The following ADAMTS14 variants were observed in gnomAD, a reference collection of about 807,000 sequenced individuals.
The protein encoded by ADAMTS14 is ADAM metallopeptidase with thrombospondin type 1 motif 14.
In ADAMTS14, 100 loss-of-function variants were observed where a neutral mutation model predicts 128.6. The ratio of observed to expected loss-of-function variants is 0.78; its 90% CI spans 0.66 to 0.92. The LOEUF (loss-of-function observed/expected upper bound fraction) is 0.92, where lower values mean the gene tolerates loss of function less well. ADAMTS14 is among the 40% of genes least tolerant of loss of function. The pLI is 0.00. For missense variants in ADAMTS14, 1,562 were observed against 1,658.6 expected (o/e 0.94, Z 1.01); for synonymous variants, 665 against 653.8 (o/e 1.02, Z -0.26).
chr10:70,733,048 C>T (rs1033995033), intron 7 of ADAMTS14, among the ~76,000 whole-genome samples: 4 of 152,186 alleles, frequency 2.6e-5, no homozygotes, highest in African/African-American at 9.7e-5. Flanking sequence ...TGCCATGTCA[C>T]AGGGGCAGAA....
intron 19 of ADAMTS14, among the ~76,000 whole-genome samples, chr10:70,754,268 C>G (rs1295618539): frequency 6.6e-6 from 1 of 152,212 alleles, no homozygotes; most frequent in East Asian, 1.9e-4. Context: ...GATGAGCAGA[C>G]TGAAGTACAC....
chr10:70,755,618 G>A (rs1411329238), intron 19 of ADAMTS14, among the ~76,000 whole-genome samples: 1 of 152,234 alleles, frequency 6.6e-6, no homozygotes. Context: ...GCCAAGGCAG[G>A]CAGATTGCCT....
intron 2 of ADAMTS14, among the ~76,000 whole-genome samples, chr10:70,679,245 C>T (rs1839732000): frequency 2.0e-5 from 3 of 152,200 alleles, no homozygotes; most frequent in Admixed American, 2.0e-4. Flanking sequence ...GAAAGAATGA[C>T]TGACCCAGCC....
intron 3 of ADAMTS14, among the ~76,000 whole-genome samples, chr10:70,707,232 C>T (rs1423697187): frequency 1.3e-5 from 2 of 152,240 alleles, no homozygotes; most frequent in African/African-American, 4.8e-5. Context: ...CACCTACCCA[C>T]CGTCCATCCA....
chr10:70,752,524 A>T lies in ADAMTS14; in HGVS notation c.2729+297A>T, dbSNP rs564556330. Reference sequence around the variant, plus strand: ...GCTACATGCTCTTCTGAGCACAAGGATGACCTTGGGATTATTTAGGGGAGA... The same window carrying T: ...GCTACATGCTCTTCTGAGCACAAGGTTGACCTTGGGATTATTTAGGGGAGA... On this transcript the variant is annotated intron_variant, in intron 18 of 21. Transcript: ENST00000373207. Among the ~76,000 whole-genome samples the T allele has an allele frequency of 3.8e-4, 58 of 152,228 alleles. No individual in the cohort carries two copies. In the South Asian group the frequency reaches 4.8e-3, roughly 13 times the overall value.
intron 9 of ADAMTS14, 92 bp downstream of exon 9, chr10:70,735,393 C>G: frequency 6.7e-7 from 1 of 1,500,460 alleles, no homozygotes; most frequent in Admixed American, 2.0e-5. Context: ...TGCCTTCTGC[C>G]CAGCTGGCCA....
rs191071655 is a variant in ADAMTS14 at position 70,733,809 on chromosome 10, T to C, written c.1209-76T>C. ...GGGTCAGGTCAGGGTCTCCTGCTGC[T>C]GGCCTGCCTGCCTGCCTGCCTTCCC... On this transcript the variant is annotated intron_variant, in intron 7 of 21. Transcript: ENST00000373207. The C allele has an allele frequency of 6.3e-4, 972 of 1,543,912 alleles. 5 individuals carry two copies. In the African/African-American group the frequency reaches 0.011, roughly 17 times the overall value.
At position 70,760,496 on chromosome 10, in the gene ADAMTS14, C is replaced by T; in HGVS notation, c.3315C>T (p.Asp1105=). ...CCTCGGGCCCCAACCCTGGCCCAGACCCTGGCCCAACCTCACTGCCCCCCT... is the reference window on the plus strand; with the variant it reads ...CCTCGGGCCCCAACCCTGGCCCAGATCCTGGCCCAACCTCACTGCCCCCCT... ...KKASGPNPGP[D]PGPTSLPPFS... The change falls in exon 22 of 22, where the codon GAC becomes GAT. Residue 1105 remains aspartate (D), a synonymous_variant. Transcript: ENST00000373207. 2.5e-6 allele frequency: 4 copies of T among 1,613,998 alleles called. No homozygotes were observed. Among genetic ancestry groups the T allele is most frequent in the South Asian group, 1.1e-5 (1 of 91,070 alleles).
chr10:70,745,080 A>C, intron 14 of ADAMTS14, 146 bp from the exon 15 acceptor site: 1 of 722,666 alleles, frequency 1.4e-6, no homozygotes, highest in Non-Finnish European at 2.3e-6. Flanking sequence ...TCTCATCCTC[A>C]GTTTACAAAT....
At chr10:70,675,120 G>A (rs1328374416) in intron 2 of ADAMTS14, 125 bp downstream of exon 2, 8 of 1,209,586 alleles carry the variant, frequency 6.6e-6, no homozygotes, top group Non-Finnish European at 9.2e-6. Flanking sequence ...GCCTTCCAGA[G>A]GGAGTGCCGC....
Position 70,674,914 on chromosome 10 carries a change from C to G in ADAMTS14, c.441C>G (p.Pro147=), listed in dbSNP as rs1839599526. 4 of 1,613,202 alleles carry G rather than the reference C, an allele frequency of 2.5e-6. No individual in the cohort carries two copies. Among genetic ancestry groups the G allele is most frequent in the Non-Finnish European group, 3.4e-6 (4 of 1,180,046 alleles). ...ATTTTCGGGAGCTGTTCCGGCAGCC[C>G]TTACGGCAGGAGTGTGTGTACACTG... is the stretch of plus-strand genomic sequence containing the variant. ...QEDFRELFRQ[P]LRQECVYTGG... The change falls in exon 2 of 22, where the codon CCC becomes CCG. Residue 147 remains proline (P), a synonymous_variant. Coordinates refer to ENST00000373207, the MANE Select transcript of ADAMTS14 (RefSeq NM_080722.4).
At chr10:70,721,019 C>CTTTTT (rs56656736) in intron 4 of ADAMTS14, among the ~76,000 whole-genome samples, 97 of 84,272 alleles carry the variant, frequency 1.2e-3, no homozygotes, top group African/African-American at 1.5e-3. Context: ...TCTCTTTTTT[C>CTTTTT]TTTTTTTTTT....
At chr10:70,726,678 T>C (rs1841440461) in intron 4 of ADAMTS14, among the ~76,000 whole-genome samples, 1 of 152,032 alleles carries the variant, frequency 6.6e-6, no homozygotes, top group African/African-American at 2.4e-5. Flanking sequence ...TACTTAAGGG[T>C]CACCCTACTG....
chr10:70,694,048 CTT>C (rs767073623), intron 2 of ADAMTS14, among the ~76,000 whole-genome samples: 2 of 152,246 alleles, frequency 1.3e-5, no homozygotes, highest in Non-Finnish European at 2.9e-5. Flanking sequence ...AGCTTTCAGA[CTT>C]TTTTTGGCTT....
intron 2 of ADAMTS14, among the ~76,000 whole-genome samples, chr10:70,698,243 A>AT (rs1390025294): frequency 2.6e-5 from 4 of 151,916 alleles, no homozygotes; most frequent in African/African-American, 4.8e-5. Context: ...TTTTTTCTTG[A>AT]TTTTTTTATA....
chr10:70,713,526 T>C (rs1840926124), intron 4 of ADAMTS14, among the ~76,000 whole-genome samples: 1 of 152,254 alleles, frequency 6.6e-6, no homozygotes, highest in Non-Finnish European at 1.5e-5. Flanking sequence ...TCTGCTGGCC[T>C]GTGCTTGTCA....
intron 1 of ADAMTS14, among the ~76,000 whole-genome samples, chr10:70,674,028 G>A (rs972194882): frequency 2.0e-5 from 3 of 152,148 alleles, no homozygotes; most frequent in Non-Finnish European, 4.4e-5. Flanking sequence ...ATAGAGAACC[G>A]CTCCCCTCTG....
Position 70,744,071 on chromosome 10 carries a change from C to A in ADAMTS14, c.2064C>A (p.Val688=), listed in dbSNP as rs553171977. The A allele has an allele frequency of 6.4e-7, 1 of 1,562,684 alleles. No homozygotes were observed. The highest frequency in any genetic ancestry group is 1.2e-5 in the South Asian group (1 of 84,620). Residue 688 remains valine, a synonymous_variant, in exon 14 of 22, where the codon GTC becomes GTA. Coordinates refer to ENST00000373207, the MANE Select transcript of ADAMTS14 (RefSeq NM_080722.4). ...GACCTCACCTCTGGCCTCAGCCTGT[C>A]GGCTGTGACAAGGAGGTGGGGTCCA... ...SVCARGECVP[V]GCDKEVGSMK... is the part of the protein sequence containing the mutation.
intron 2 of ADAMTS14, among the ~76,000 whole-genome samples, chr10:70,679,614 T>C (rs369194627): frequency 1.3e-5 from 2 of 152,310 alleles, no homozygotes; most frequent in South Asian, 4.1e-4. Flanking sequence ...CCTACGGCCA[T>C]CTCTGCCTCC....
Sources: gnomAD v4.1 joint callset for allele counts (sites outside exome capture counted in the v4.1 genomes callset) on GRCh38, gnomAD v4.1.1 for gene constraint, MANE v1.5 for transcripts, NCBI Gene and HGNC (gene_info 2026-07-23, HGNC 2026-07-21) for gene names.